Variants in PPP3CA observed in about 807,000 individuals in gnomAD.
PPP3CA encodes the protein CAM-PRP catalytic subunit.
Under a neutral mutation model 66.5 loss-of-function variants are expected in PPP3CA, and 14 were observed. That is an observed-to-expected ratio of 0.21 (90% confidence interval 0.14 to 0.33). The LOEUF is 0.33. PPP3CA is among the 10% of genes least tolerant of loss of function. The pLI, the probability that PPP3CA is intolerant of heterozygous loss-of-function variation, is 1.00. For missense variants in PPP3CA, 317 were observed against 639.5 expected, an observed-to-expected ratio of 0.50 and a Z score of 5.44; for synonymous variants, 232 against 226.2, an observed-to-expected ratio of 1.03 and a Z score of -0.23.
chr4:101,071,113 C>A (rs1446385361), intron 8 of PPP3CA, among the ~76,000 whole-genome samples: 1 of 152,124 alleles, frequency 6.6e-6, no homozygotes, highest in Non-Finnish European at 1.5e-5. Context: ...TGTGCCTTCA[C>A]CTTGCTCTCA....
intron 1 of PPP3CA, among the ~76,000 whole-genome samples, chr4:101,298,019 C>T (rs544165774): frequency 6.6e-6 from 1 of 152,084 alleles, no homozygotes; most frequent in East Asian, 1.9e-4. Context: ...TTTGTGTCCC[C>T]TGGAAAATTC....
chr4:101,190,698 TAAAGA>T (rs932018850), intron 2 of PPP3CA, among the ~76,000 whole-genome samples: 4 of 152,062 alleles, frequency 2.6e-5, no homozygotes, highest in Admixed American at 1.3e-4. Flanking sequence ...CAAGAGCTTG[TAAAGA>T]AAAGAACTAC....
chr4:101,089,070 A>G (rs2110245496), intron 6 of PPP3CA, among the ~76,000 whole-genome samples: 1 of 152,284 alleles, frequency 6.6e-6, no homozygotes, highest in East Asian at 1.9e-4. Context: ...AATCCCTAGA[A>G]AAGAAGTTCC....
intron 2 of PPP3CA, among the ~76,000 whole-genome samples, chr4:101,132,530 C>A (rs187789321): frequency 1.3e-5 from 2 of 152,232 alleles, no homozygotes; most frequent in Admixed American, 1.3e-4. Context: ...GACACATACA[C>A]CCTCCCAAGA....
intron 1 of PPP3CA, among the ~76,000 whole-genome samples, chr4:101,310,068 G>C (rs1000776166): frequency 1.3e-5 from 2 of 152,090 alleles, no homozygotes; most frequent in Admixed American, 1.3e-4. Flanking sequence ...AAATATACCA[G>C]TTGTACTCTC....
chr4:101,221,415 T>G (rs1006503019), intron 1 of PPP3CA, among the ~76,000 whole-genome samples: 2 of 150,632 alleles, frequency 1.3e-5, no homozygotes, highest in African/African-American at 4.9e-5. Context: ...ATCTGACATA[T>G]TCTAGGTCAT....
intron 1 of PPP3CA, among the ~76,000 whole-genome samples, chr4:101,311,553 GCAGATCACTTGAGGT>G (rs988443486): frequency 1.1e-4 from 16 of 152,134 alleles, no homozygotes; most frequent in Non-Finnish European, 2.2e-4. Context: ...GCCAAAGTGG[GCAGATCACTTGAGGT>G]CAGGAGTTCA....
intron 1 of PPP3CA, among the ~76,000 whole-genome samples, chr4:101,337,704 G>C (rs6817953): frequency 0.018 from 2,704 of 152,290 alleles, 61 homozygotes; most frequent in African/African-American, 0.062. Flanking sequence ...AAATAAAATG[G>C]AGCTTGGAAA....
chr4:101,138,347 C>T (rs962521166), intron 2 of PPP3CA, among the ~76,000 whole-genome samples: 9 of 152,142 alleles, frequency 5.9e-5, no homozygotes, highest in Non-Finnish European at 5.9e-5. Context: ...GAGTTCTCAT[C>T]TCTAAAACAG....
chr4:101,253,642 G>A (rs1300611424), intron 1 of PPP3CA, among the ~76,000 whole-genome samples: 1 of 152,012 alleles, frequency 6.6e-6, no homozygotes, highest in African/African-American at 2.4e-5. Flanking sequence ...GATTTTCTCT[G>A]TAGACTTTAA....
chr4:101,245,411 C>T (rs1726445743), intron 1 of PPP3CA, among the ~76,000 whole-genome samples: 1 of 152,146 alleles, frequency 6.6e-6, no homozygotes, highest in African/African-American at 2.4e-5. Flanking sequence ...AATTCAGTCA[C>T]CATATACTGT....
chr4:101,072,311 T>C (rs1447632305), intron 8 of PPP3CA, among the ~76,000 whole-genome samples: 2 of 152,152 alleles, frequency 1.3e-5, no homozygotes, highest in Non-Finnish European at 1.5e-5. Flanking sequence ...AATGGAACCA[T>C]GAGGTGAAGG....
intron 8 of PPP3CA, among the ~76,000 whole-genome samples, chr4:101,075,028 G>A (rs1303715860): frequency 2.6e-5 from 4 of 152,198 alleles, no homozygotes; most frequent in Non-Finnish European, 5.9e-5. Flanking sequence ...AAGAGAGCTT[G>A]CGCAGGGGAA....
intron 1 of PPP3CA, among the ~76,000 whole-genome samples, chr4:101,258,397 T>A (rs1490208643): frequency 6.6e-6 from 1 of 152,132 alleles, no homozygotes; most frequent in African/African-American, 2.4e-5. Flanking sequence ...AAGAGGCAGC[T>A]GCACTGTCCA....
Position 101,129,910 on chromosome 4 carries a change from C to T in PPP3CA, c.260-20832G>A, listed in dbSNP as rs143467158. On this transcript the variant is annotated intron_variant, in intron 2 of 13. Transcript: ENST00000394854. ...ATGGAGAATGAGTTTGACCAATTGA[C>T]AGAAGTAGGCTTCAGAGGGATGCAT... 4.9e-3 allele frequency among the ~76,000 whole-genome samples: 740 copies of T among 152,176 alleles called. 4 individuals are homozygous for T. The highest frequency in any genetic ancestry group is 0.017 in the African/African-American group (697 of 41,542).
intron 1 of PPP3CA, among the ~76,000 whole-genome samples, chr4:101,325,708 A>T (rs1729185738): frequency 6.6e-6 from 1 of 152,194 alleles, no homozygotes; most frequent in African/African-American, 2.4e-5. Context: ...CTTATGTTGT[A>T]GAAAAAATAT....
In PPP3CA at chr4:101,063,271, C is replaced by T. The variant is rs776210956; in HGVS notation, c.1042G>A (p.Asp348Asn). 6.2e-7 allele frequency: 1 copy of T among 1,611,442 alleles called. No individual in the cohort carries two copies. Among genetic ancestry groups the T allele is most frequent in the African/African-American group, 1.3e-5 (1 of 74,764 alleles). ...AATGGAAGGGACCAAGTAAAAACAT[C>T]CATGAAATTTGGAAGCCAGTATGGA... is the stretch of plus-strand genomic sequence containing the variant. ...PHPYWLPNFM[D>N]VFTWSLPFVG... The change falls in exon 9 of 14, where the codon GAT becomes AAT. Residue 348 changes from aspartate to asparagine, a missense_variant. Transcript: ENST00000394854.
intron 1 of PPP3CA, among the ~76,000 whole-genome samples, chr4:101,248,472 T>C (rs114720162): frequency 0.011 from 1,635 of 152,280 alleles, 34 homozygotes; most frequent in African/African-American, 0.038. Context: ...TTCTCATCTC[T>C]AAAATATTTA....
At chr4:101,240,513 A>G (rs1034643595) in intron 1 of PPP3CA, among the ~76,000 whole-genome samples, 1 of 152,112 alleles carries the variant, frequency 6.6e-6, no homozygotes, top group African/African-American at 2.4e-5. Flanking sequence ...GTTTGTGTTT[A>G]AAGAAAAATA....
Sources: gnomAD v4.1 joint callset for allele counts (sites outside exome capture counted in the v4.1 genomes callset) on GRCh38, gnomAD v4.1.1 for gene constraint, MANE v1.5 for transcripts, NCBI Gene and HGNC (gene_info 2026-07-23, HGNC 2026-07-21) for gene names.